Variants in PGM5 observed in about 807,000 individuals in gnomAD.
The protein encoded by PGM5 is phosphoglucomutase-like protein 5.
In PGM5, 23 loss-of-function variants were observed where a neutral mutation model predicts 59.2. The observed-to-expected ratio is 0.39, with a 90% CI of 0.28 to 0.55. PGM5 has a LOEUF of 0.55. Ranked by LOEUF, PGM5 falls within the 20% of genes least tolerant of loss-of-function variation. PGM5 has a pLI of 0.66. For synonymous variants in PGM5, 214 were observed against 286.0 expected (o/e 0.75, Z 2.54); for missense variants, 574 against 748.3 (o/e 0.77, Z 2.72).
At chr9:68,364,105 T>G (rs1157563641) in intron 1 of PGM5, among the ~76,000 whole-genome samples, 1 of 152,204 alleles carries the variant, frequency 6.6e-6, no homozygotes, top group Non-Finnish European at 1.5e-5. Flanking sequence ...GGCCACATGA[T>G]GAGCAGCAAT....
intron 9 of PGM5, among the ~76,000 whole-genome samples, chr9:68,493,498 C>G (rs1824433379): frequency 6.6e-6 from 1 of 152,160 alleles, no homozygotes; most frequent in African/African-American, 2.4e-5. Context: ...AAATGAAGCT[C>G]CTCCATTTAC....
chr9:68,482,787 C>A (rs1336280045), intron 8 of PGM5, among the ~76,000 whole-genome samples: 1 of 152,208 alleles, frequency 6.6e-6, no homozygotes, highest in Non-Finnish European at 1.5e-5. Context: ...GTGGTGATGG[C>A]AAATAAAAGT....
chr9:68,359,880 G>A (rs1250967571), intron 1 of PGM5, among the ~76,000 whole-genome samples: 1 of 152,074 alleles, frequency 6.6e-6, no homozygotes, highest in African/African-American at 2.4e-5. Context: ...GTCTCACTTT[G>A]TTGCCCAGGC....
At chr9:68,466,270 G>GTTTTTTTTTTTTTTTTTGTT (rs35091577) in intron 7 of PGM5, 1 of 524,196 alleles carries the variant, frequency 1.9e-6, no homozygotes. Flanking sequence ...GATACTGTGT[G>GTTTTTTTTTTTTTTTTTGTT]TTTTTTTTTT....
chr9:68,522,442 T>G (rs779178360), intron 10 of PGM5, among the ~76,000 whole-genome samples: 8 of 152,174 alleles, frequency 5.3e-5, no homozygotes, highest in Non-Finnish European at 1.0e-4. Flanking sequence ...TACTTCCAGC[T>G]GAGCAGATTG....
At chr9:68,470,358 T>C (rs1363319179) in intron 7 of PGM5, among the ~76,000 whole-genome samples, 1 of 152,210 alleles carries the variant, frequency 6.6e-6, no homozygotes, top group African/African-American at 2.4e-5. Flanking sequence ...CTCCAGTTAC[T>C]TTGTGAATGA....
At chr9:68,440,623 A>T (rs1398279827) in intron 6 of PGM5, among the ~76,000 whole-genome samples, 1 of 152,158 alleles carries the variant, frequency 6.6e-6, no homozygotes, top group Admixed American at 6.5e-5. Context: ...TTTAAATTAA[A>T]TTAAAATGAA....
intron 10 of PGM5, among the ~76,000 whole-genome samples, chr9:68,501,880 C>T (rs546434423): frequency 6.6e-6 from 1 of 152,288 alleles, no homozygotes; most frequent in South Asian, 2.1e-4. Flanking sequence ...ATGTTTTAAG[C>T]ATTTACACTG....
rs145481266 is a variant in PGM5 at position 68,489,144 on chromosome 9, C to G, written c.1479+5096C>G. Among the ~76,000 whole-genome samples, 1,121 of 152,326 alleles carry G rather than the reference C, an allele frequency of 7.4e-3. 6 individuals are homozygous for G. Among genetic ancestry groups the G allele is most frequent in the Non-Finnish European group, 0.011 (740 of 68,032 alleles). On this transcript the variant is annotated intron_variant, in intron 9 of 10. Coordinates refer to ENST00000396396, the MANE Select transcript of PGM5 (RefSeq NM_021965.4). ...TCTCTTACTATGATCTTTTCTCCATCTCTAACATGTGGCCTAAGTCCTGGA... is the reference window on the plus strand; with the variant it reads ...TCTCTTACTATGATCTTTTCTCCATGTCTAACATGTGGCCTAAGTCCTGGA...
chr9:68,487,821 C>T (rs568149854), intron 9 of PGM5, among the ~76,000 whole-genome samples: 98 of 152,298 alleles, frequency 6.4e-4, no homozygotes, highest in African/African-American at 2.3e-3. Context: ...CATTGTAAAT[C>T]GTGTGAGCAA....
rs1822248039 is a variant in PGM5, at chr9:68,387,350, T to A, written c.572-113T>A. On this transcript the variant is annotated intron_variant, in intron 3 of 10. Coordinates refer to ENST00000396396, the MANE Select transcript of PGM5 (RefSeq NM_021965.4). The stretch of plus-strand genomic sequence containing the variant: ...GCTTCCCACATCATGTGCAGGGATA[T>A]GATGGGCTTGTGACCAGAATTTCAT... 4 of 911,620 alleles carry A rather than the reference T, an allele frequency of 4.4e-6. No individual in the cohort carries two copies. In the South Asian group the frequency reaches 6.5e-5, roughly 15 times the overall value. 56.5% of individuals were successfully genotyped at this position (911,620 alleles called of 1,614,324 possible). A position where few individuals can be genotyped will look rare whatever the true frequency, so the allele number is the denominator to read the frequency against.
At chr9:68,390,310 G>C (rs1458102860) in intron 4 of PGM5, among the ~76,000 whole-genome samples, 3 of 152,164 alleles carry the variant, frequency 2.0e-5, no homozygotes, top group African/African-American at 7.2e-5. Context: ...CAAATAGTAT[G>C]AGCAATGTTT....
At chr9:68,377,018 C>T (rs1314639143) in intron 1 of PGM5, among the ~76,000 whole-genome samples, 2 of 151,726 alleles carry the variant, frequency 1.3e-5, no homozygotes, top group Non-Finnish European at 2.9e-5. Flanking sequence ...CCTCTGCCTC[C>T]CAGGTTCAAG....
chr9:68,365,776 T>C (rs558865094), intron 1 of PGM5, among the ~76,000 whole-genome samples: 6 of 152,314 alleles, frequency 3.9e-5, no homozygotes, highest in African/African-American at 1.4e-4. Flanking sequence ...GTTTTACATT[T>C]AGGGATTTCT....
At chr9:68,508,078 G>A (rs1824686970) in intron 10 of PGM5, among the ~76,000 whole-genome samples, 1 of 152,166 alleles carries the variant, frequency 6.6e-6, no homozygotes, top group African/African-American at 2.4e-5. Context: ...GAAGCCCTGT[G>A]TATCCACACT....
intron 1 of PGM5, among the ~76,000 whole-genome samples, chr9:68,376,864 T>TTTTC (rs139310556): frequency 0.28 from 31,818 of 115,272 alleles, 6,518 homozygotes; most frequent in Admixed American, 0.32. Context: ...TTTCTTTCTT[T>TTTTC]TTTCTTTCTC....
At chr9:68,473,344 G>C (rs978361498) in intron 7 of PGM5, among the ~76,000 whole-genome samples, 2 of 152,198 alleles carry the variant, frequency 1.3e-5, no homozygotes, top group Admixed American at 1.3e-4. Context: ...GCCTGCCCCA[G>C]CTCTCACCAC....
intron 6 of PGM5, among the ~76,000 whole-genome samples, chr9:68,423,536 G>A (rs1332630707): frequency 1.3e-5 from 2 of 152,178 alleles, no homozygotes; most frequent in Non-Finnish European, 2.9e-5. Flanking sequence ...GCTTGGTGTT[G>A]AGAATGGCAT....
At chr9:68,474,025 T>A (rs1184141353) in intron 7 of PGM5, among the ~76,000 whole-genome samples, 2 of 152,136 alleles carry the variant, frequency 1.3e-5, no homozygotes, top group African/African-American at 4.8e-5. Context: ...TGAGACTGCA[T>A]ACGGTGCCTT....
Sources: gnomAD v4.1 joint callset for allele counts (sites outside exome capture counted in the v4.1 genomes callset) on GRCh38, gnomAD v4.1.1 for gene constraint, MANE v1.5 for transcripts, NCBI Gene and HGNC (gene_info 2026-07-23, HGNC 2026-07-21) for gene names.